Variants in ITGA9 observed in about 807,000 individuals in gnomAD.
ITGA9 encodes integrin subunit alpha 9.
Under a neutral mutation model 127.8 loss-of-function variants are expected in ITGA9, and 56 were observed. The observed-to-expected ratio is 0.44, with a 90% CI of 0.35 to 0.55. The LOEUF (loss-of-function observed/expected upper bound fraction) is 0.55. Ranked by LOEUF, ITGA9 falls within the 20% of genes least tolerant of loss-of-function variation. The pLI is 0.00. For synonymous variants in ITGA9, 508 were observed against 514.5 expected (o/e 0.99, Z 0.17); for missense variants, 1,196 against 1,347.1 (o/e 0.89, Z 1.76).
intron 27 of ITGA9, chr3:37,805,874 T>C (rs554382756): frequency 2.0e-5 from 3 of 151,540 alleles, no homozygotes; most frequent in Non-Finnish European, 4.4e-5. Context: ...GGTTTTGCCA[T>C]GTTGGCCAGG....
At chr3:37,764,466 TAAAAAAAAAAA>T (rs10694316) in intron 23 of ITGA9, among the ~76,000 whole-genome samples, 22 of 74,658 alleles carry the variant, frequency 2.9e-4, no homozygotes, top group African/African-American at 1.1e-3. Context: ...AGATTCTCAG[TAAAAAAAAAAA>T]AAAAAAAAAA....
chr3:37,554,615 G>A (rs1699412226), intron 15 of ITGA9, among the ~76,000 whole-genome samples: 2 of 152,122 alleles, frequency 1.3e-5, no homozygotes, highest in South Asian at 4.1e-4. Context: ...GTTACCCAGG[G>A]AAGAGGGTGG....
chr3:37,797,704 C>T (rs994701627), intron 26 of ITGA9, among the ~76,000 whole-genome samples: 2 of 152,120 alleles, frequency 1.3e-5, no homozygotes, highest in African/African-American at 4.8e-5. Flanking sequence ...AAGTCTTCTA[C>T]GTATTAGATA....
intron 1 of ITGA9, among the ~76,000 whole-genome samples, chr3:37,470,186 T>G (rs1055660216): frequency 5.3e-5 from 8 of 151,740 alleles, no homozygotes; most frequent in African/African-American, 1.5e-4. Flanking sequence ...TTGAACATTT[T>G]GCATGTCTCC....
chr3:37,782,459 G>A (rs914007287), intron 25 of ITGA9, among the ~76,000 whole-genome samples: 12 of 139,672 alleles, frequency 8.6e-5, no homozygotes, highest in South Asian at 2.7e-4. Context: ...CAGTAGAGCC[G>A]CAGGCAAGAG....
chr3:37,654,416 T>G (rs1412209432), intron 17 of ITGA9, among the ~76,000 whole-genome samples: 1 of 152,162 alleles, frequency 6.6e-6, no homozygotes, highest in Non-Finnish European at 1.5e-5. Flanking sequence ...TTGCCAACCT[T>G]TTATTTTAGA....
intron 18 of ITGA9, among the ~76,000 whole-genome samples, chr3:37,711,764 T>G (rs945684446): frequency 4.6e-5 from 7 of 152,150 alleles, no homozygotes; most frequent in Admixed American, 3.9e-4. Flanking sequence ...TTAAAACCAC[T>G]GTACTTAGGG....
At chr3:37,504,456 C>T (rs1480208948) in intron 6 of ITGA9, among the ~76,000 whole-genome samples, 1 of 152,152 alleles carries the variant, frequency 6.6e-6, no homozygotes, top group Non-Finnish European at 1.5e-5. Context: ...CCTGTGGGTG[C>T]GTCTGAGAGA....
chr3:37,723,065 T>C (rs1287582310), intron 18 of ITGA9, among the ~76,000 whole-genome samples: 1 of 152,212 alleles, frequency 6.6e-6, no homozygotes, highest in Non-Finnish European at 1.5e-5. Context: ...TCCCTGAAGG[T>C]TAATGATGTT....
chr3:37,761,653 C>T (rs1034043864), intron 23 of ITGA9, among the ~76,000 whole-genome samples: 1 of 152,102 alleles, frequency 6.6e-6, no homozygotes, highest in African/African-American at 2.4e-5. Context: ...AGAGGGAAGG[C>T]CAAGGTAAAT....
intron 15 of ITGA9, among the ~76,000 whole-genome samples, chr3:37,604,580 G>C (rs145934958): frequency 1.9e-3 from 297 of 152,318 alleles, no homozygotes; most frequent in Non-Finnish European, 2.4e-3. Flanking sequence ...TCCACACTGA[G>C]GGCCTTGTGT....
intron 18 of ITGA9, among the ~76,000 whole-genome samples, chr3:37,692,801 G>A (rs963927774): frequency 1.3e-5 from 2 of 152,186 alleles, no homozygotes; most frequent in South Asian, 2.1e-4. Context: ...ATGGCAGGGG[G>A]CTAGGTCCTG....
At chr3:37,802,223 C>CA (rs11349401) in intron 26 of ITGA9, among the ~76,000 whole-genome samples, 67 of 151,064 alleles carry the variant, frequency 4.4e-4, no homozygotes, top group Non-Finnish European at 7.2e-4. Context: ...CAAGAGATTG[C>CA]AAAAAAAAGC....
intron 23 of ITGA9, among the ~76,000 whole-genome samples, chr3:37,772,145 C>T (rs1486861671): frequency 1.3e-5 from 2 of 152,082 alleles, no homozygotes; most frequent in Non-Finnish European, 2.9e-5. Context: ...GTGGCTCACA[C>T]CTGTAATCTC....
chr3:37,478,496 A>G (rs1243342439), intron 3 of ITGA9, among the ~76,000 whole-genome samples: 1 of 152,198 alleles, frequency 6.6e-6, no homozygotes, highest in Non-Finnish European at 1.5e-5. Flanking sequence ...AGATTCTAAT[A>G]TTTGGAGTGG....
At chr3:37,702,117 G>C (rs969099233) in intron 18 of ITGA9, among the ~76,000 whole-genome samples, 1 of 152,172 alleles carries the variant, frequency 6.6e-6, no homozygotes, top group African/African-American at 2.4e-5. Flanking sequence ...ACTTAGAAGG[G>C]CTTAGGGTGG....
At chr3:37,463,383 A>C (rs1698337117) in intron 1 of ITGA9, among the ~76,000 whole-genome samples, 1 of 152,116 alleles carries the variant, frequency 6.6e-6, no homozygotes, top group South Asian at 2.1e-4. Context: ...TCCAGGACTC[A>C]CTCATGCATC....
chr3:37,593,924 G>A (rs1458981919), intron 15 of ITGA9, among the ~76,000 whole-genome samples: 1 of 152,148 alleles, frequency 6.6e-6, no homozygotes, highest in African/African-American at 2.4e-5. Context: ...ATGCCCAGAA[G>A]GGCTCGAAAC....
rs543297344 is a variant in ITGA9 at position 37,518,771 on chromosome 3, C to CT, written c.1142-458dup. On this transcript the variant is annotated intron_variant, in intron 10 of 27. Transcript: ENST00000264741. ...GTCAGCTTCTATAGTTTTCACTGTA[C>CT]TTTTTTTTTTTTTTTTTTTTTTTTT... 7.2e-3 allele frequency among the ~76,000 whole-genome samples: 312 copies of CT among 43,504 alleles called. 89 individuals carry two copies. The highest frequency in any genetic ancestry group is 8.2e-3 in the Non-Finnish European group (201 of 24,482). The allele number at this position is 43,504 out of a possible 152,430, so 28.5% of individuals were successfully genotyped here.
Sources: gnomAD v4.1 joint callset for allele counts (sites outside exome capture counted in the v4.1 genomes callset) on GRCh38, gnomAD v4.1.1 for gene constraint, MANE v1.5 for transcripts, NCBI Gene and HGNC (gene_info 2026-07-23, HGNC 2026-07-21) for gene names.